The following ZNF717 variants were observed in gnomAD, a reference collection of about 807,000 sequenced individuals.
ZNF717 encodes zinc finger protein 717.
A neutral mutation model predicts 13.8 loss-of-function variants in ZNF717; 9 were observed. The ratio of observed to expected loss-of-function variants is 0.65; its 90% CI spans 0.39 to 1.14. The LOEUF (loss-of-function observed/expected upper bound fraction) is 1.14. Among genes scored for constraint, ZNF717 ranks in the 50% most tolerant of loss-of-function variants. The pLI, the probability that ZNF717 is intolerant of heterozygous loss-of-function variation, is 0.01. For missense variants in ZNF717, 1,040 were observed against 1,080.7 expected (o/e 0.96, Z 0.53); for synonymous variants, 327 against 364.1 (o/e 0.90, Z 1.16).
chr3:75,699,607 C>A (rs1385965935), intron 6 of ZNF717, among the ~76,000 whole-genome samples: 13 of 152,036 alleles, frequency 8.6e-5, no homozygotes, highest in South Asian at 2.1e-4. Context: ...TTATTTTTCA[C>A]CTTGTCAGTT....
intron 2 of ZNF717, among the ~76,000 whole-genome samples, chr3:75,744,147 C>T (rs1443285287): frequency 2.6e-5 from 4 of 152,276 alleles, no homozygotes; most frequent in East Asian, 1.9e-4. Flanking sequence ...GTTTATTCCA[C>T]GAATAAAGAA....
chr3:75,763,863 G>A (rs1943224835), intron 2 of ZNF717, among the ~76,000 whole-genome samples: 1 of 152,188 alleles, frequency 6.6e-6, no homozygotes, highest in Admixed American at 6.5e-5. Context: ...GATTTGAAGA[G>A]GATTTATTGA....
At chr3:75,730,945 A>G (rs1164076783), downstream of ZNF717, among the ~76,000 whole-genome samples, 9 of 152,252 alleles carry the variant, frequency 5.9e-5, no homozygotes, top group African/African-American at 2.2e-4. Flanking sequence ...TCTGCATGTA[A>G]GAAGCTTAGA....
intron 2 of ZNF717, among the ~76,000 whole-genome samples, chr3:75,743,181 A>T (rs1336937767): frequency 6.6e-6 from 1 of 152,258 alleles, no homozygotes; most frequent in African/African-American, 2.4e-5. Flanking sequence ...TAATCCCATC[A>T]GTAAGCCATG....
intron 2 of ZNF717, among the ~76,000 whole-genome samples, chr3:75,758,260 A>C (rs1318973825): frequency 6.6e-6 from 1 of 152,200 alleles, no homozygotes. Flanking sequence ...AATCAGAGAC[A>C]GAGCCTGAAG....
In ZNF717 at chr3:75,738,354, A is replaced by G; in HGVS notation, c.1269T>C (p.Tyr423=). 6.5e-7 allele frequency: 1 copy of G among 1,534,138 alleles called. No individual in the cohort carries two copies. Among genetic ancestry groups the G allele is most frequent in the Non-Finnish European group, 8.8e-7 (1 of 1,134,804 alleles). The change falls in exon 5 of 5, where the codon TAT becomes TAC. Residue 423 remains tyrosine, a synonymous_variant. Coordinates refer to ENST00000652011, the MANE Select transcript of ZNF717 (RefSeq NM_001290208.3). ...HHRTHTGEKP[Y]ACDHCEEAFS... is the part of the protein sequence containing the mutation. ...ATGCTTCTTCACAATGGTCACATGC[A>G]TAGGGCTTTTCCCCTGTGTGAGTTC...
At chr3:75,753,240 G>A (rs1942082275) in intron 2 of ZNF717, among the ~76,000 whole-genome samples, 2 of 151,576 alleles carry the variant, frequency 1.3e-5, no homozygotes, top group South Asian at 2.1e-4. Context: ...CCAGAACACT[G>A]CTGCGAGGGT....
chr3:75,782,720 G>A (rs902401090), intron 2 of ZNF717, among the ~76,000 whole-genome samples: 1 of 152,174 alleles, frequency 6.6e-6, no homozygotes, highest in Non-Finnish European at 1.5e-5. Context: ...TTTAGCAGCA[G>A]ATGACCATTT....
chr3:75,754,281 C>G (rs1490179971), intron 2 of ZNF717, among the ~76,000 whole-genome samples: 6 of 152,058 alleles, frequency 3.9e-5, no homozygotes, highest in Non-Finnish European at 7.3e-5. Flanking sequence ...GCTATATTAA[C>G]AGCAGTCACT....
chr3:75,745,211 T>C (rs1202008046), intron 2 of ZNF717, among the ~76,000 whole-genome samples: 1 of 151,724 alleles, frequency 6.6e-6, no homozygotes, highest in East Asian at 1.9e-4. Flanking sequence ...TTATTTTTAA[T>C]TGACATATGA....
At chr3:75,734,753 A>G (rs74563868), downstream of ZNF717, among the ~76,000 whole-genome samples, 93 of 148,284 alleles carry the variant, frequency 6.3e-4, no homozygotes, top group Middle Eastern at 3.6e-3. Context: ...TTCTTAATTG[A>G]CCTAACATAT....
rs1330865034 is a variant in ZNF717, at chr3:75,713,574, T to C, written n.668-2258A>G. The stretch of plus-strand genomic sequence containing the variant: ...GGGTGAGAACAATTTTATAGCAATA[T>C]AGAAAGTCATATGGGTATAAAAATC... On this transcript the variant is annotated intron_variant and non_coding_transcript_variant, in intron 5 of 5. Transcript: ENST00000491507. 1.3e-4 allele frequency among the ~76,000 whole-genome samples: 20 copies of C among 152,278 alleles called. No individual in the cohort carries two copies. In the East Asian group the frequency reaches 3.9e-3, roughly 29 times the overall value.
At position 75,762,989 on chromosome 3, in the gene ZNF717, C is replaced by T. The variant is rs1425834061; in HGVS notation, c.57+20317G>A. 4.6e-5 allele frequency among the ~76,000 whole-genome samples: 7 copies of T among 152,280 alleles called. No individual in the cohort carries two copies. In the East Asian group the frequency reaches 1.4e-3, roughly 29 times the overall value. Reference sequence around the variant, plus strand: ...TGGTGTTGGGAAAACTGTATATCCACATGCAAAACAATGAAGTTGGACTCT... The same window carrying T: ...TGGTGTTGGGAAAACTGTATATCCATATGCAAAACAATGAAGTTGGACTCT... On this transcript the variant is annotated intron_variant, in intron 2 of 4. Transcript: ENST00000652011.
At chr3:75,734,830 T>A (rs1232149142), downstream of ZNF717, among the ~76,000 whole-genome samples, 5 of 51,780 alleles carry the variant, frequency 9.7e-5, no homozygotes, top group African/African-American at 2.7e-4. Context: ...TTTTTTTTTT[T>A]TTTTTTTTTT....
intron 2 of ZNF717, among the ~76,000 whole-genome samples, chr3:75,762,570 T>A (rs2107567542): frequency 1.3e-5 from 2 of 150,580 alleles, no homozygotes; most frequent in Middle Eastern, 7.0e-3. Flanking sequence ...TAAACACAAA[T>A]CAATGAAAAG....
At chr3:75,729,492 G>A (rs1321097578), downstream of ZNF717, among the ~76,000 whole-genome samples, 2 of 152,092 alleles carry the variant, frequency 1.3e-5, no homozygotes, top group East Asian at 1.9e-4. Context: ...GTGCATGCCT[G>A]TAATCCCAAC....
chr3:75,746,902 C>T (rs1308943872), intron 2 of ZNF717, among the ~76,000 whole-genome samples: 293 of 152,192 alleles, frequency 1.9e-3, no homozygotes, highest in African/African-American at 6.8e-3. Context: ...CTTTTGTTGC[C>T]ATTGCTTTTG....
downstream of ZNF717, chr3:75,732,182 G>A (rs929710293): frequency 7.1e-6 from 5 of 701,134 alleles, no homozygotes; most frequent in African/African-American, 8.8e-5. Context: ...TTCTTAACAA[G>A]GCTTATCCTC....
intron 2 of ZNF717, among the ~76,000 whole-genome samples, chr3:75,748,162 A>G (rs1941349287): frequency 1.3e-5 from 2 of 152,254 alleles, no homozygotes; most frequent in Admixed American, 6.5e-5. Flanking sequence ...GAATCTCTTA[A>G]TAGACCAATA....
Sources: gnomAD v4.1 joint callset for allele counts (sites outside exome capture counted in the v4.1 genomes callset) on GRCh38, gnomAD v4.1.1 for gene constraint, MANE v1.5 for transcripts, NCBI Gene and HGNC (gene_info 2026-07-23, HGNC 2026-07-21) for gene names.